CNOT2: variants seen among roughly 807,000 people sequenced by gnomAD.
The protein encoded by CNOT2 is CCR4-NOT transcription complex subunit 2.
A neutral mutation model predicts 72.1 loss-of-function variants in CNOT2; 7 were observed. The ratio of observed to expected loss-of-function variants is 0.10; its 90% CI spans 0.06 to 0.18. CNOT2 has a LOEUF of 0.18. Ranked by LOEUF, CNOT2 falls within the 10% of genes least tolerant of loss-of-function variation. CNOT2 has a pLI of 1.00. For missense variants in CNOT2, 345 were observed against 660.3 expected (o/e 0.52, Z 5.23); for synonymous variants, 196 against 225.6 (o/e 0.87, Z 1.17).
chr12:70,315,913 T>C (rs1487458486), intron 3 of CNOT2, among the ~76,000 whole-genome samples: 1 of 148,204 alleles, frequency 6.7e-6, no homozygotes, highest in East Asian at 1.9e-4. Flanking sequence ...ATTAAGGGTA[T>C]TATTTAATAC....
chr12:70,297,617 A>C (rs771016269), intron 2 of CNOT2: 13 of 184,434 alleles, frequency 7.0e-5, no homozygotes, highest in Non-Finnish European at 1.1e-4. Flanking sequence ...TGAAAGGTTA[A>C]ATTGTGTTCA....
intron 1 of CNOT2, among the ~76,000 whole-genome samples, chr12:70,258,152 A>G (rs760787990): frequency 7.9e-5 from 12 of 152,190 alleles, no homozygotes; most frequent in Non-Finnish European, 1.5e-4. Context: ...AATAAGAGTA[A>G]TATGTTATAG....
At chr12:70,353,371 G>A (rs1044128109) in intron 15 of CNOT2, among the ~76,000 whole-genome samples, 5 of 151,986 alleles carry the variant, frequency 3.3e-5, no homozygotes, top group African/African-American at 9.7e-5. Flanking sequence ...CACTGTGCGC[G>A]GCCCTGCTTA....
chr12:70,267,416 C>T (rs909914242), intron 1 of CNOT2, among the ~76,000 whole-genome samples: 3 of 152,152 alleles, frequency 2.0e-5, no homozygotes, highest in South Asian at 2.1e-4. Context: ...TGTACTTAAT[C>T]GCTCCTTTCT....
Position 70,354,805 on chromosome 12 carries a change from G to C in CNOT2, c.*890G>C, listed in dbSNP as rs559475982. 1 of 152,694 alleles carries C rather than the reference G, an allele frequency of 6.5e-6. No individual in the cohort carries two copies. Among genetic ancestry groups the C allele is most frequent in the Non-Finnish European group, 1.5e-5 (1 of 68,028 alleles). The allele number at this position is 152,694 out of a possible 1,614,324, so 9.5% of individuals were successfully genotyped here. A position where few individuals can be genotyped will look rare whatever the true frequency, so the allele number is the denominator to read the frequency against. On this transcript the variant is annotated 3_prime_UTR_variant, in exon 16 of 16. Transcript: ENST00000229195. ...GTCGCCCTGTGCACTAAAAGGGCCA[G>C]ATTTTCAGCAGCCAAGGACATCCAT...
chr12:70,307,212 T>G (rs1367396906), intron 2 of CNOT2, among the ~76,000 whole-genome samples: 1 of 152,196 alleles, frequency 6.6e-6, no homozygotes, highest in South Asian at 2.1e-4. Flanking sequence ...CATTCTCGAA[T>G]AATGAGTTAA....
At chr12:70,312,194 A>G (rs1475583207) in intron 3 of CNOT2, among the ~76,000 whole-genome samples, 2 of 151,884 alleles carry the variant, frequency 1.3e-5, no homozygotes, top group Non-Finnish European at 2.9e-5. Flanking sequence ...GCTTTTAGCT[A>G]TGTGCTATGT....
intron 9 of CNOT2, 107 bp downstream of exon 9, chr12:70,337,620 A>G: frequency 3.8e-6 from 4 of 1,065,564 alleles, no homozygotes; most frequent in South Asian, 1.4e-5. Context: ...TTTTATCTTG[A>G]TATCTGTAAT....
intron 1 of CNOT2, among the ~76,000 whole-genome samples, chr12:70,271,459 T>C (rs1488645402): frequency 6.9e-6 from 1 of 144,428 alleles, no homozygotes; most frequent in Non-Finnish European, 1.5e-5. Flanking sequence ...CTGCAACCTC[T>C]ACCTCCCAGG....
At chr12:70,304,262 G>C (rs552791713) in intron 2 of CNOT2, among the ~76,000 whole-genome samples, 1 of 152,222 alleles carries the variant, frequency 6.6e-6, no homozygotes, top group Admixed American at 6.5e-5. Flanking sequence ...CATTCCTTTG[G>C]AGGAGGAGAG....
intron 1 of CNOT2, among the ~76,000 whole-genome samples, chr12:70,269,364 C>T (rs892692519): frequency 6.6e-6 from 1 of 151,204 alleles, no homozygotes; most frequent in Admixed American, 6.6e-5. Flanking sequence ...GTGATATTCT[C>T]ATCCAGAGGT....
intron 2 of CNOT2, chr12:70,290,863 A>G (rs1474814830): frequency 6.6e-6 from 1 of 152,176 alleles, no homozygotes; most frequent in Non-Finnish European, 1.5e-5. Context: ...GAGAAGATGA[A>G]TGAAAACCAT....
chr12:70,287,045 G>A (rs141418230), intron 2 of CNOT2, among the ~76,000 whole-genome samples: 4 of 151,896 alleles, frequency 2.6e-5, no homozygotes, highest in Non-Finnish European at 4.4e-5. Flanking sequence ...TAATTTATCT[G>A]TAGGCTTTTT....
intron 2 of CNOT2, among the ~76,000 whole-genome samples, chr12:70,304,151 T>C (rs1874731063): frequency 6.6e-6 from 1 of 152,064 alleles, no homozygotes; most frequent in African/African-American, 2.4e-5. Flanking sequence ...GGTTCGAACT[T>C]CCTCCTTAGT....
chr12:70,286,793 A>G (rs1870969897), intron 2 of CNOT2, among the ~76,000 whole-genome samples: 1 of 150,322 alleles, frequency 6.7e-6, no homozygotes, highest in African/African-American at 2.4e-5. Flanking sequence ...GTGGAATTGC[A>G]TTGACTTTAG....
intron 2 of CNOT2, among the ~76,000 whole-genome samples, chr12:70,282,003 C>T (rs148914473): frequency 6.6e-6 from 1 of 152,188 alleles, no homozygotes; most frequent in East Asian, 1.9e-4. Context: ...GATAATACTG[C>T]TGTATCTAAT....
intron 2 of CNOT2, chr12:70,307,558 G>A (rs568726092): frequency 5.9e-5 from 9 of 151,300 alleles, no homozygotes; most frequent in Admixed American, 1.3e-4. Context: ...CATGACTGTC[G>A]TTTATTAAAA....
chr12:70,325,544 A>G (rs1244228438), intron 4 of CNOT2, among the ~76,000 whole-genome samples: 1 of 151,892 alleles, frequency 6.6e-6, no homozygotes, highest in Non-Finnish European at 1.5e-5. Flanking sequence ...AAGTCACTTA[A>G]TGCCTAGTGT....
chr12:70,320,906 A>G (rs1413475867), intron 4 of CNOT2, among the ~76,000 whole-genome samples: 1 of 151,860 alleles, frequency 6.6e-6, no homozygotes, highest in African/African-American at 2.4e-5. Flanking sequence ...CAAATCTGAA[A>G]TTCTAACTGG....
Sources: gnomAD v4.1 joint callset for allele counts (sites outside exome capture counted in the v4.1 genomes callset) on GRCh38, gnomAD v4.1.1 for gene constraint, MANE v1.5 for transcripts, NCBI Gene and HGNC (gene_info 2026-07-23, HGNC 2026-07-21) for gene names.